PRKG1: variants seen among roughly 807,000 people sequenced by gnomAD.
PRKG1 encodes protein kinase cGMP-dependent 1, also known as cGMP-dependent protein kinase 1.
Under a neutral mutation model 88.1 loss-of-function variants are expected in PRKG1, and 35 were observed. The ratio of observed to expected loss-of-function variants is 0.40; its 90% confidence interval spans 0.30 to 0.53. The LOEUF (loss-of-function observed/expected upper bound fraction) is 0.53, where lower values mean the gene tolerates loss of function less well. Among genes scored for constraint, PRKG1 ranks in the 20% least tolerant of loss-of-function variants. PRKG1 has a pLI of 0.59. For missense variants in PRKG1, 540 were observed against 839.8 expected, an observed-to-expected ratio of 0.64 and a Z score of 4.41; for synonymous variants, 303 against 292.5, an observed-to-expected ratio of 1.04 and a Z score of -0.37.
chr10:51,782,875 C>T lies in PRKG1; in HGVS notation c.593-21710C>T, dbSNP rs141557123. ...TTAAACCATTTTCTTTTGTAAATTGCCCAGTCTTGGGTATGTCTTTATCAG... is the reference window on the plus strand; with the variant it reads ...TTAAACCATTTTCTTTTGTAAATTGTCCAGTCTTGGGTATGTCTTTATCAG... On this transcript the variant is annotated intron_variant, in intron 3 of 17. Coordinates refer to ENST00000373980, the MANE Select transcript of PRKG1 (RefSeq NM_006258.4). Among the ~76,000 whole-genome samples, 851 of 152,168 alleles carry T rather than the reference C, an allele frequency of 5.6e-3. 7 individuals carry two copies. Among genetic ancestry groups the T allele is most frequent in the African/African-American group, 0.019 (809 of 41,520 alleles).
chr10:51,263,481 C>T (rs1839764524), intron 2 of PRKG1, among the ~76,000 whole-genome samples: 3 of 152,122 alleles, frequency 2.0e-5, no homozygotes, highest in Admixed American at 2.0e-4. Flanking sequence ...TCTAATTAAC[C>T]CATTCATATC....
intron 1 of PRKG1, among the ~76,000 whole-genome samples, chr10:51,017,621 A>T (rs1168658631): frequency 6.6e-6 from 1 of 152,144 alleles, no homozygotes; most frequent in African/African-American, 2.4e-5. Flanking sequence ...GATATGACCC[A>T]GTTATAAAAC....
intron 5 of PRKG1, among the ~76,000 whole-genome samples, chr10:51,936,795 A>C (rs1163311632): frequency 6.6e-6 from 1 of 152,100 alleles, no homozygotes; most frequent in African/African-American, 2.4e-5. Flanking sequence ...TAGAATTTAC[A>C]ATTCTTAAAG....
At chr10:51,586,057 A>T (rs1015473068) in intron 3 of PRKG1, among the ~76,000 whole-genome samples, 1 of 152,132 alleles carries the variant, frequency 6.6e-6, no homozygotes, top group Non-Finnish European at 1.5e-5. Context: ...AGGATCAATG[A>T]TACCCCAAGC....
At chr10:52,270,173 C>A (rs192588172) in intron 10 of PRKG1, among the ~76,000 whole-genome samples, 15 of 152,168 alleles carry the variant, frequency 9.9e-5, no homozygotes, top group African/African-American at 3.1e-4. Flanking sequence ...GCAGTCTCAG[C>A]AGAGACTAGG....
intron 8 of PRKG1, among the ~76,000 whole-genome samples, chr10:52,157,658 G>C (rs1046350643): frequency 6.6e-6 from 1 of 151,482 alleles, no homozygotes; most frequent in Admixed American, 6.6e-5. Context: ...ATGAGAAACA[G>C]CCTCTTAACT....
rs1483182505 is a variant in PRKG1 at position 51,921,368 on chromosome 10, TTTA to T, written c.762+13801_762+13803del. Among the ~76,000 whole-genome samples the T allele has an allele frequency of 7.2e-5, 11 of 152,190 alleles. No homozygotes were observed. The East Asian group carries it at 1.9e-3, about 27-fold the overall frequency. On this transcript the variant is annotated intron_variant, in intron 5 of 17. Coordinates refer to ENST00000373980, the MANE Select transcript of PRKG1 (RefSeq NM_006258.4). ...CATGTAATTTATGATTGAGGACAAT[TTTA>T]TTTTTTCCTTCCCCATCTGTCTCTC...
intron 3 of PRKG1, among the ~76,000 whole-genome samples, chr10:51,526,449 C>G (rs10762185): frequency 0.96 from 145,511 of 152,290 alleles, 69,555 homozygotes; most frequent in East Asian, 1. Context: ...TCACATTTGT[C>G]GTGGTTCACA....
intron 1 of PRKG1, among the ~76,000 whole-genome samples, chr10:50,993,260 G>A (rs535019447): frequency 6.6e-6 from 1 of 152,304 alleles, no homozygotes; most frequent in East Asian, 1.9e-4. Flanking sequence ...AGGAATTGTG[G>A]GACCTTCTGA....
Position 51,167,946 on chromosome 10 carries a change from A to C in PRKG1, c.478+14616A>C, listed in dbSNP as rs1284099405. Among the ~76,000 whole-genome samples, 4 of 152,244 alleles carry C rather than the reference A, an allele frequency of 2.6e-5. No individual in the cohort carries two copies. In the South Asian group the frequency reaches 8.3e-4, roughly 32 times the overall value. On this transcript the variant is annotated intron_variant, in intron 2 of 17. Transcript: ENST00000373980. Reference sequence around the variant, plus strand: ...CCAGGCATAGGGGAAAGATTGATGAAAGTTGCTCTCTTCTAATTAAAGTAG... The same window carrying C: ...CCAGGCATAGGGGAAAGATTGATGACAGTTGCTCTCTTCTAATTAAAGTAG...
intron 1 of PRKG1, among the ~76,000 whole-genome samples, chr10:51,117,266 C>T (rs949644164): frequency 4.6e-5 from 7 of 152,152 alleles, no homozygotes; most frequent in African/African-American, 1.7e-4. Flanking sequence ...TCCCATAATG[C>T]TTCTTTGTGC....
At chr10:51,566,366 T>A (rs1837603734) in intron 3 of PRKG1, among the ~76,000 whole-genome samples, 1 of 152,088 alleles carries the variant, frequency 6.6e-6, no homozygotes, top group South Asian at 2.1e-4. Flanking sequence ...AAGCAGTTCT[T>A]TCCTTGTTTT....
chr10:51,338,583 T>A (rs1384385242), intron 2 of PRKG1, among the ~76,000 whole-genome samples: 5 of 152,180 alleles, frequency 3.3e-5, no homozygotes, highest in Non-Finnish European at 1.5e-5. Flanking sequence ...GAATTCTCAA[T>A]GGGAAGCATC....
intron 5 of PRKG1, among the ~76,000 whole-genome samples, chr10:51,971,322 A>G (rs1258094703): frequency 6.6e-6 from 1 of 152,036 alleles, no homozygotes; most frequent in Non-Finnish European, 1.5e-5. Flanking sequence ...AATTTAATGC[A>G]AATTATTTTT....
intron 2 of PRKG1, among the ~76,000 whole-genome samples, chr10:51,221,630 AG>A (rs376561558): frequency 6.6e-6 from 1 of 150,994 alleles, no homozygotes; most frequent in Non-Finnish European, 1.5e-5. Flanking sequence ...AAAAAAAAAA[AG>A]ATTGGCAAAC....
chr10:51,449,498 G>T (rs79242841), intron 2 of PRKG1, among the ~76,000 whole-genome samples: 4,067 of 147,612 alleles, frequency 0.028, 133 homozygotes, highest in African/African-American at 0.059. Context: ...AGAGACCAAG[G>T]ACTTCAAAGT....
intron 5 of PRKG1, among the ~76,000 whole-genome samples, chr10:52,023,962 G>A (rs531251082): frequency 5.3e-5 from 8 of 152,218 alleles, no homozygotes; most frequent in Admixed American, 1.3e-4. Context: ...ATTGCTTTTG[G>A]TGGTTTAGTC....
intron 1 of PRKG1, among the ~76,000 whole-genome samples, chr10:51,095,312 C>T (rs545087800): frequency 7.9e-5 from 12 of 152,178 alleles, no homozygotes; most frequent in African/African-American, 2.9e-4. Context: ...TCTAGTTTTT[C>T]TCTTCTATAT....
intron 5 of PRKG1, among the ~76,000 whole-genome samples, chr10:52,011,388 G>C (rs1231819740): frequency 6.6e-6 from 1 of 152,104 alleles, no homozygotes; most frequent in Non-Finnish European, 1.5e-5. Context: ...TGGTCAGAAG[G>C]ATGACTGAAA....
Sources: allele counts gnomAD v4.1 joint callset (sites outside exome capture counted in the v4.1 genomes callset), GRCh38; gene constraint gnomAD v4.1.1; transcripts MANE v1.5; gene names NCBI Gene and HGNC (gene_info 2026-07-23, HGNC 2026-07-21).